Variants in MAP3K7 observed in about 807,000 individuals in gnomAD.
MAP3K7 encodes mitogen-activated protein kinase kinase kinase 7, also known as TGF-beta activated kinase 1.
Under a neutral mutation model 84.8 loss-of-function variants are expected in MAP3K7, and 21 were observed. The ratio of observed to expected loss-of-function variants is 0.25; its 90% CI spans 0.18 to 0.36. The LOEUF (loss-of-function observed/expected upper bound fraction) is 0.36. Ranked by LOEUF, MAP3K7 falls within the 10% of genes least tolerant of loss-of-function variation. The pLI, the probability that MAP3K7 is intolerant of heterozygous loss-of-function variation, is 1.00. For synonymous variants in MAP3K7, 241 were observed against 247.7 expected, an observed-to-expected ratio of 0.97 and a Z score of 0.25; for missense variants, 503 against 747.7, an observed-to-expected ratio of 0.67 and a Z score of 3.82.
intron 12 of MAP3K7, among the ~76,000 whole-genome samples, chr6:90,538,453 T>C (rs1369660786): frequency 1.3e-5 from 2 of 151,924 alleles, no homozygotes; most frequent in Non-Finnish European, 2.9e-5. Flanking sequence ...ATGGAAAAAG[T>C]AGTAGAAATG....
chr6:90,568,046 C>T (rs1776770245), intron 3 of MAP3K7, among the ~76,000 whole-genome samples: 1 of 150,890 alleles, frequency 6.6e-6, no homozygotes, highest in South Asian at 2.1e-4. Flanking sequence ...GGGAACATCA[C>T]ACACTGGGTC....
rs468214 is a variant in MAP3K7 at position 90,560,457 on chromosome 6, G to A, written c.344-243C>T. 0.34 allele frequency among the ~76,000 whole-genome samples: 52,101 copies of A among 151,978 alleles called. 9,105 individuals are homozygous for A. Among genetic ancestry groups the A allele is most frequent in the South Asian group, 0.42 (2,035 of 4,814 alleles). On this transcript the variant is annotated intron_variant, in intron 4 of 16. Transcript: ENST00000369329. ...GCTCACTGTAAACTCCACCTCCTGG[G>A]TTCAAGCGATTCTCCTGGCTCAGCC...
chr6:90,545,580 C>A (rs1775978555), intron 11 of MAP3K7, among the ~76,000 whole-genome samples: 1 of 152,058 alleles, frequency 6.6e-6, no homozygotes, highest in African/African-American at 2.4e-5. Context: ...TCATCTGACA[C>A]TACAGTGAGA....
chr6:90,538,786 G>A (rs1025645304), intron 12 of MAP3K7, among the ~76,000 whole-genome samples: 1 of 151,728 alleles, frequency 6.6e-6, no homozygotes, highest in Non-Finnish European at 1.5e-5. Flanking sequence ...AAGTTATCCC[G>A]GGTTTCTTCC....
At chr6:90,580,176 A>G (rs1165989784) in intron 1 of MAP3K7, among the ~76,000 whole-genome samples, 1 of 152,232 alleles carries the variant, frequency 6.6e-6, no homozygotes, top group Non-Finnish European at 1.5e-5. Context: ...TAAGGAGATT[A>G]TGTACATTAT....
At chr6:90,576,636 T>C (rs914759805) in intron 1 of MAP3K7, among the ~76,000 whole-genome samples, 1 of 152,206 alleles carries the variant, frequency 6.6e-6, no homozygotes, top group African/African-American at 2.4e-5. Flanking sequence ...TTGTTTATAT[T>C]CTTGTGGAAA....
At chr6:90,567,876 T>C (rs1289403297) in intron 3 of MAP3K7, among the ~76,000 whole-genome samples, 1 of 152,204 alleles carries the variant, frequency 6.6e-6, no homozygotes, top group Non-Finnish European at 1.5e-5. Context: ...TGGAATACTA[T>C]GCAGCCATAA....
At chr6:90,539,004 T>TAC (rs1391549487) in intron 12 of MAP3K7, among the ~76,000 whole-genome samples, 2 of 151,946 alleles carry the variant, frequency 1.3e-5, no homozygotes, top group Non-Finnish European at 2.9e-5. Context: ...TTTTGAATAT[T>TAC]ACACATTATG....
chr6:90,538,159 C>A (rs1343392478), intron 12 of MAP3K7, among the ~76,000 whole-genome samples: 1 of 151,882 alleles, frequency 6.6e-6, no homozygotes, highest in Admixed American at 6.6e-5. Flanking sequence ...ATTAGCACAA[C>A]CATGGCAGAA....
At chr6:90,575,436 A>G (rs1777041950) in intron 1 of MAP3K7, among the ~76,000 whole-genome samples, 1 of 152,184 alleles carries the variant, frequency 6.6e-6, no homozygotes, top group Non-Finnish European at 1.5e-5. Context: ...GCATCCTCAC[A>G]GCATGTGCTC....
chr6:90,582,085 T>C (rs1208662165), intron 1 of MAP3K7, among the ~76,000 whole-genome samples: 2 of 152,198 alleles, frequency 1.3e-5, no homozygotes, highest in Admixed American at 1.3e-4. Context: ...AAAGCAACCA[T>C]TGTAAATAGT....
intron 16 of MAP3K7, among the ~76,000 whole-genome samples, chr6:90,517,677 T>A (rs531660581): frequency 1.4e-3 from 211 of 151,984 alleles, no homozygotes; most frequent in Non-Finnish European, 2.4e-3. Context: ...GTTGGTTCCA[T>A]TTAAATCACT....
chr6:90,543,709 T>C (rs948923899), intron 12 of MAP3K7, among the ~76,000 whole-genome samples: 19 of 152,158 alleles, frequency 1.2e-4, no homozygotes, highest in Middle Eastern at 3.4e-3. Context: ...GTGGAAAATA[T>C]GTATTTCCTT....
At chr6:90,574,258 T>C (rs1471747852) in intron 1 of MAP3K7, among the ~76,000 whole-genome samples, 2 of 152,148 alleles carry the variant, frequency 1.3e-5, no homozygotes, top group Non-Finnish European at 2.9e-5. Flanking sequence ...AGGGCTGTAG[T>C]ACTCATTTCT....
intron 4 of MAP3K7, 113 bp from the exon 5 acceptor site, chr6:90,560,327 T>G: frequency 9.6e-7 from 1 of 1,039,042 alleles, no homozygotes; most frequent in South Asian, 1.6e-5. Flanking sequence ...CATATACATA[T>G]GCTCCATCAG....
At position 90,568,558 on chromosome 6, in the gene MAP3K7, T is replaced by C. The variant is rs959596303; in HGVS notation, c.297A>G (p.Pro99=). 5 of 1,605,696 alleles carry C rather than the reference T, an allele frequency of 3.1e-6. No homozygotes were observed. The highest frequency in any genetic ancestry group is 4.2e-6 in the Non-Finnish European group (5 of 1,177,722). ...GACCATGAAAAAGTAACAAACTTAC[T>C]GGATTCAAGCAGGCTCCATAAAGCT... ...IVKLYGACLN[P]VCLVMEYAEG... The change falls in exon 3 of 17, where the codon CCA becomes CCG. Residue 99 remains proline (P), a splice_region_variant and synonymous_variant. Coordinates refer to ENST00000369329, the MANE Select transcript of MAP3K7 (RefSeq NM_145331.3).
intron 12 of MAP3K7, among the ~76,000 whole-genome samples, chr6:90,540,974 T>C (rs1016574535): frequency 3.9e-5 from 6 of 151,930 alleles, no homozygotes; most frequent in Non-Finnish European, 7.4e-5. Flanking sequence ...ATTTGTGTAC[T>C]TGAGATGAAG....
rs1274838702 is a variant in MAP3K7, at chr6:90,586,925, C to T, written c.-42G>A. On this transcript the variant is annotated 5_prime_UTR_variant, in exon 1 of 17. Coordinates refer to ENST00000369329, the MANE Select transcript of MAP3K7 (RefSeq NM_145331.3). ...CGGTGGGGCCGGGAACGGTGCCACC[C>T]GGACAATCCGGGTGAGACCCGCGCC... 1 of 1,567,234 alleles carries T rather than the reference C, an allele frequency of 6.4e-7. No homozygotes were observed. The highest frequency in any genetic ancestry group is 1.4e-5 in the African/African-American group (1 of 72,222).
At chr6:90,547,899 C>T (rs967141360) in intron 10 of MAP3K7, 148 bp downstream of exon 10, 7 of 585,184 alleles carry the variant, frequency 1.2e-5, no homozygotes, top group Admixed American at 3.8e-5. Context: ...AATCTCATTA[C>T]GTGTCTCTAT....
Sources: gnomAD v4.1 joint callset for allele counts (sites outside exome capture counted in the v4.1 genomes callset) on GRCh38, gnomAD v4.1.1 for gene constraint, MANE v1.5 for transcripts, NCBI Gene and HGNC (gene_info 2026-07-23, HGNC 2026-07-21) for gene names.